Variants in AFAP1 observed in about 807,000 individuals in gnomAD.
The protein encoded by AFAP1 is actin filament associated protein 1, also known as actin filament-associated protein 1.
AFAP1 carries 75 observed loss-of-function variants against 93.9 expected under a neutral mutation model. That is an observed-to-expected ratio of 0.80 (90% CI 0.66 to 0.97). AFAP1 has a LOEUF of 0.97. AFAP1 is among the 50% of genes least tolerant of loss of function. The probability of loss-of-function intolerance (pLI) is 0.00; values close to 1 mark genes in which losing one functional copy is unlikely to be tolerated. For missense variants in AFAP1, 1,201 were observed against 1,050.8 expected, an observed-to-expected ratio of 1.14 and a Z score of -1.98; for synonymous variants, 517 against 430.7, an observed-to-expected ratio of 1.20 and a Z score of -2.48.
intron 17 of AFAP1, 125 bp from the exon 18 acceptor site, chr4:7,763,916 T>G: frequency 2.2e-6 from 2 of 891,572 alleles, no homozygotes; most frequent in Non-Finnish European, 3.6e-6. Flanking sequence ...CTCAACAGAA[T>G]CAATGACCAA....
Position 7,855,565 on chromosome 4 carries a change from T to G in AFAP1, c.235A>C (p.Ser79Arg), listed in dbSNP as rs554158507. ...GATGTTGGCAATGGTGGAGGCCCAC[T>G]GTCAGGAGGCTGAGGAAGAAAGGAA... The part of the protein sequence containing the change: ...EIPQPWLPPD[S>R]GPPPLPTSSL... Residue 79 changes from serine (S) to arginine (R), a missense_variant, in exon 4 of 18, where the codon AGT becomes CGT. Coordinates refer to ENST00000420658, the MANE Select transcript of AFAP1 (RefSeq NM_001134647.2). The G allele has an allele frequency of 1.9e-5, 30 of 1,612,674 alleles. No individual in the cohort carries two copies. Among genetic ancestry groups the G allele is most frequent in the Non-Finnish European group, 2.5e-5 (30 of 1,178,734 alleles).
At chr4:7,793,981 C>T (rs556671712) in intron 10 of AFAP1, among the ~76,000 whole-genome samples, 155 bp from the exon 11 acceptor site, 3 of 152,294 alleles carry the variant, frequency 2.0e-5, no homozygotes, top group South Asian at 2.1e-4. Context: ...ATGGGATTAA[C>T]GTCACGTTCG....
intron 16 of AFAP1, among the ~76,000 whole-genome samples, chr4:7,770,673 C>T (rs1715304331): frequency 1.3e-5 from 2 of 152,132 alleles, no homozygotes; most frequent in South Asian, 2.1e-4. Flanking sequence ...GAAGGATCCT[C>T]CCAGGTGTCT....
At chr4:7,828,721 AC>A (rs1163449839) in intron 6 of AFAP1, among the ~76,000 whole-genome samples, 5 of 152,206 alleles carry the variant, frequency 3.3e-5, no homozygotes, top group Admixed American at 1.3e-4. Context: ...GAAAGCAGAT[AC>A]CATTATTATA....
chr4:7,925,537 AC>A (rs1414212666), intron 1 of AFAP1, among the ~76,000 whole-genome samples: 1 of 145,006 alleles, frequency 6.9e-6, no homozygotes, highest in Non-Finnish European at 1.5e-5. Flanking sequence ...ACAAGGAAAA[AC>A]CCCATTCTTA....
Position 7,827,569 on chromosome 4 carries a change from C to CAAAAAAAAAAAAA in AFAP1, c.727-8411_727-8399dup, listed in dbSNP as rs58075483. 9.3e-3 allele frequency among the ~76,000 whole-genome samples: 484 copies of CAAAAAAAAAAAAA among 52,236 alleles called. 42 individuals are homozygous for CAAAAAAAAAAAAA. The highest frequency in any genetic ancestry group is 0.012 in the Non-Finnish European group (339 of 29,138). The allele number at this position is 52,236 out of a possible 152,430, so 34.3% of individuals were successfully genotyped here. On this transcript the variant is annotated intron_variant, in intron 6 of 17. Coordinates refer to ENST00000420658, the MANE Select transcript of AFAP1 (RefSeq NM_001134647.2). ...ATGAACAAGAGTGAAACTCTGTCTC[C>CAAAAAAAAAAAAA]AAAAAAAAAAAAAAAAAAAAAGGGA... is the stretch of plus-strand genomic sequence containing the variant.
intron 1 of AFAP1, among the ~76,000 whole-genome samples, chr4:7,917,866 C>T (rs1720173182): frequency 6.6e-6 from 1 of 152,208 alleles, no homozygotes; most frequent in Admixed American, 6.5e-5. Context: ...CGCAACCTGA[C>T]ACTTAGTCAT....
At chr4:7,776,940 T>C (rs1255943882) in intron 14 of AFAP1, 1 of 152,240 alleles carries the variant, frequency 6.6e-6, no homozygotes, top group Non-Finnish European at 1.5e-5. Context: ...TGCAACCGGC[T>C]GGATTCAAGC....
At chr4:7,798,354 TGCAACTCTATTGGCTGGCTCACG>T (rs1718676163) in intron 10 of AFAP1, among the ~76,000 whole-genome samples, 1 of 126,628 alleles carries the variant, frequency 7.9e-6, no homozygotes. Context: ...CTCACAGCAC[TGCAACTCTATTGGCTGGCTCACG>T]GCACTGCAAC....
intron 1 of AFAP1, among the ~76,000 whole-genome samples, chr4:7,883,363 T>C (rs1057152265): frequency 3.9e-5 from 6 of 152,126 alleles, no homozygotes; most frequent in South Asian, 4.1e-4. Context: ...ACACTTGGAA[T>C]TGATAGGCAC....
intron 5 of AFAP1, among the ~76,000 whole-genome samples, chr4:7,839,398 ATGTT>A (rs1277036344): frequency 6.6e-6 from 1 of 151,922 alleles, no homozygotes; most frequent in African/African-American, 2.4e-5. Context: ...TTTAACATAA[ATGTT>A]TATTTAAATG....
intron 14 of AFAP1, chr4:7,776,898 T>TC (rs1716186346): frequency 6.6e-6 from 1 of 152,174 alleles, no homozygotes; most frequent in Non-Finnish European, 1.5e-5. Flanking sequence ...CATCTTTTGG[T>TC]CCCCATGTAA....
chr4:7,912,234 C>T (rs13127935), intron 1 of AFAP1, among the ~76,000 whole-genome samples: 62,557 of 151,980 alleles, frequency 0.41, 13,410 homozygotes, highest in African/African-American at 0.53. Flanking sequence ...CAGTTTCTGG[C>T]GTTTTATAAA....
chr4:7,880,255 G>C (rs891019962), intron 1 of AFAP1, among the ~76,000 whole-genome samples: 1 of 150,644 alleles, frequency 6.6e-6, no homozygotes, highest in Non-Finnish European at 1.5e-5. Flanking sequence ...TGAAAGCTAG[G>C]AGGGACCCTG....
chr4:7,856,901 GA>G (rs1715136553), intron 3 of AFAP1, among the ~76,000 whole-genome samples: 1 of 152,186 alleles, frequency 6.6e-6, no homozygotes, highest in Non-Finnish European at 1.5e-5. Flanking sequence ...ATCCATGCAG[GA>G]ATCCTTCAGG....
At chr4:7,782,478 A>C (rs967826700) in intron 12 of AFAP1, among the ~76,000 whole-genome samples, 1 of 152,250 alleles carries the variant, frequency 6.6e-6, no homozygotes, top group African/African-American at 2.4e-5. Flanking sequence ...ATGCTTCCAA[A>C]TCTAATGGAT....
intron 1 of AFAP1, among the ~76,000 whole-genome samples, chr4:7,905,224 TGAAA>T (rs1719334969): frequency 6.6e-6 from 1 of 152,204 alleles, no homozygotes; most frequent in Non-Finnish European, 1.5e-5. Context: ...CAGCTCAAGC[TGAAA>T]TCAAGCGTGC....
At chr4:7,765,251 G>A (rs749107899) in intron 17 of AFAP1, among the ~76,000 whole-genome samples, 8 of 152,098 alleles carry the variant, frequency 5.3e-5, no homozygotes, top group Non-Finnish European at 1.2e-4. Flanking sequence ...GCCACACTCT[G>A]GCTTTTGTAT....
intron 10 of AFAP1, among the ~76,000 whole-genome samples, chr4:7,798,243 G>A (rs1718654434): frequency 7.0e-6 from 1 of 143,798 alleles, no homozygotes; most frequent in African/African-American, 2.6e-5. Context: ...TCACGGCACT[G>A]CAACTCTATT....
Sources: gnomAD v4.1 joint callset for allele counts (sites outside exome capture counted in the v4.1 genomes callset) on GRCh38, gnomAD v4.1.1 for gene constraint, MANE v1.5 for transcripts, NCBI Gene and HGNC (gene_info 2026-07-23, HGNC 2026-07-21) for gene names.